MAML3: variants seen among roughly 807,000 people sequenced by gnomAD.
The protein encoded by MAML3 is mastermind like transcriptional coactivator 3, also known as mastermind-like protein 3.
MAML3 carries 27 observed loss-of-function variants against 101.9 expected under a neutral mutation model. The ratio of observed to expected loss-of-function variants is 0.27; its 90% CI spans 0.20 to 0.37. MAML3 has a LOEUF of 0.37. MAML3 is among the 10% of genes least tolerant of loss of function. The pLI is 1.00. For missense variants in MAML3, 1,316 were observed against 1,444.9 expected, an observed-to-expected ratio of 0.91 and a Z score of 1.45; for synonymous variants, 501 against 555.9, an observed-to-expected ratio of 0.90 and a Z score of 1.39.
chr4:140,137,224 G>T (rs952674794), intron 1 of MAML3, among the ~76,000 whole-genome samples: 1 of 152,110 alleles, frequency 6.6e-6, no homozygotes, highest in African/African-American at 2.4e-5. Context: ...TCCTGACCTC[G>T]TGATCCGCCC....
intron 2 of MAML3, among the ~76,000 whole-genome samples, chr4:139,830,025 C>G (rs1731133371): frequency 6.6e-6 from 1 of 152,162 alleles, no homozygotes; most frequent in African/African-American, 2.4e-5. Flanking sequence ...TTTGTTAGCT[C>G]TCTAGAGGTT....
chr4:140,006,751 G>A (rs1027531830), intron 1 of MAML3, among the ~76,000 whole-genome samples: 2 of 152,006 alleles, frequency 1.3e-5, no homozygotes, highest in African/African-American at 4.8e-5. Context: ...ACCATAGCTG[G>A]AGATGAATTA....
At chr4:139,761,799 AACCCAGCCTGGCTGGGTC>A (rs1729765169) in intron 2 of MAML3, among the ~76,000 whole-genome samples, 1 of 152,196 alleles carries the variant, frequency 6.6e-6, no homozygotes, top group Admixed American at 6.5e-5. Context: ...AAGCTCAACT[AACCCAGCCTGGCTGGGTC>A]AAGGGGAGTC....
At position 139,953,107 on chromosome 4, in the gene MAML3, G is replaced by C. The variant is rs550567360; in HGVS notation, c.469-62140C>G. ...ATGACATAGATGTTAAACGTGGTAT[G>C]CTATTATTTGGGTTTTTAAAAAAGA... On this transcript the variant is annotated intron_variant, in intron 1 of 4. Coordinates refer to ENST00000509479, the MANE Select transcript of MAML3 (RefSeq NM_018717.5). 3.9e-5 allele frequency among the ~76,000 whole-genome samples: 6 copies of C among 152,308 alleles called. No homozygotes were observed. In the South Asian group the frequency reaches 1.2e-3, roughly 32 times the overall value.
chr4:140,078,868 G>T (rs1305006977), intron 1 of MAML3, among the ~76,000 whole-genome samples: 1 of 152,148 alleles, frequency 6.6e-6, no homozygotes, highest in Non-Finnish European at 1.5e-5. Context: ...AAACAGAGGG[G>T]TCATTTCCAA....
chr4:140,041,054 A>T (rs756508137), intron 1 of MAML3, among the ~76,000 whole-genome samples: 1 of 152,270 alleles, frequency 6.6e-6, no homozygotes, highest in Middle Eastern at 3.4e-3. Flanking sequence ...GAACATTTTT[A>T]AAATGCTTAT....
At chr4:139,880,264 T>C (rs926703188) in intron 2 of MAML3, among the ~76,000 whole-genome samples, 1 of 152,168 alleles carries the variant, frequency 6.6e-6, no homozygotes, top group African/African-American at 2.4e-5. Flanking sequence ...TGCTTTCTCT[T>C]AGCCTCATAT....
At chr4:139,933,243 G>GC (rs1398358283) in intron 1 of MAML3, among the ~76,000 whole-genome samples, 2 of 152,220 alleles carry the variant, frequency 1.3e-5, no homozygotes, top group East Asian at 3.9e-4. Context: ...TGGAACCTGT[G>GC]CCCCTTGGAG....
chr4:140,008,240 G>A (rs7692912), intron 1 of MAML3, among the ~76,000 whole-genome samples: 1 of 152,162 alleles, frequency 6.6e-6, no homozygotes, highest in Non-Finnish European at 1.5e-5. Context: ...CCAGCTACTC[G>A]GGAAGCTGAG....
At chr4:139,755,625 C>G (rs915060895) in intron 2 of MAML3, among the ~76,000 whole-genome samples, 1 of 152,056 alleles carries the variant, frequency 6.6e-6, no homozygotes, top group African/African-American at 2.4e-5. Flanking sequence ...AATTTTTGGT[C>G]CCTATATATG....
chr4:139,849,331 G>A (rs563235703), intron 2 of MAML3, among the ~76,000 whole-genome samples: 2 of 152,302 alleles, frequency 1.3e-5, no homozygotes, highest in East Asian at 3.9e-4. Context: ...GTGGTTAAAA[G>A]GAAAACTGTA....
chr4:139,791,301 A>G (rs1730404279), intron 2 of MAML3, among the ~76,000 whole-genome samples: 1 of 152,124 alleles, frequency 6.6e-6, no homozygotes, highest in Admixed American at 6.5e-5. Context: ...GTTTGAGACC[A>G]GTCTGGACAA....
At chr4:140,113,881 A>G (rs1578691331) in intron 1 of MAML3, among the ~76,000 whole-genome samples, 1 of 152,324 alleles carries the variant, frequency 6.6e-6, no homozygotes, top group African/African-American at 2.4e-5. Flanking sequence ...CTCTCCAGGC[A>G]GGGAGAAACC....
At chr4:139,976,243 G>T (rs575475738) in intron 1 of MAML3, among the ~76,000 whole-genome samples, 4 of 151,946 alleles carry the variant, frequency 2.6e-5, no homozygotes, top group Non-Finnish European at 2.9e-5. Context: ...TGTTCTTCTG[G>T]TTTTTTTTCT....
rs573414456 is a variant in MAML3 at position 139,763,590 on chromosome 4, T to TA, written c.2080-32924dup. ...AACAGAATTGCTTAATTAATCTAAC[T>TA]AAAAAATCCTGTTCAGCATTGGATT... On this transcript the variant is annotated intron_variant, in intron 2 of 4. Coordinates refer to ENST00000509479, the MANE Select transcript of MAML3 (RefSeq NM_018717.5). 1.6e-3 allele frequency among the ~76,000 whole-genome samples: 228 copies of TA among 139,168 alleles called. 1 individual carries two copies. The South Asian group carries it at 0.034, about 21-fold the overall frequency. The allele number at this position is 139,168 out of a possible 152,430, so 91.3% of individuals were successfully genotyped here.
intron 1 of MAML3, among the ~76,000 whole-genome samples, chr4:140,059,078 C>T (rs1727400931): frequency 6.6e-6 from 1 of 152,080 alleles, no homozygotes; most frequent in South Asian, 2.1e-4. Context: ...AGAGCAGAAT[C>T]AGAAGGCAGT....
At chr4:139,751,241 T>C (rs535202734) in intron 2 of MAML3, among the ~76,000 whole-genome samples, 1 of 152,364 alleles carries the variant, frequency 6.6e-6, no homozygotes, top group African/African-American at 2.4e-5. Context: ...ACTTAAAATA[T>C]TACTTGGAGT....
chr4:140,092,105 T>TAC (rs1491453161), intron 1 of MAML3, among the ~76,000 whole-genome samples: 3 of 92,878 alleles, frequency 3.2e-5, no homozygotes, highest in Non-Finnish European at 2.3e-5. Context: ...TATATATACG[T>TAC]ATATATATAT....
At chr4:140,108,993 T>C (rs893637004) in intron 1 of MAML3, among the ~76,000 whole-genome samples, 3 of 152,172 alleles carry the variant, frequency 2.0e-5, no homozygotes, top group South Asian at 2.1e-4. Context: ...ATATTTTCCT[T>C]CTTATTTACA....
Sources: gnomAD v4.1 joint callset for allele counts (sites outside exome capture counted in the v4.1 genomes callset) on GRCh38, gnomAD v4.1.1 for gene constraint, MANE v1.5 for transcripts, NCBI Gene and HGNC (gene_info 2026-07-23, HGNC 2026-07-21) for gene names.